The following SGO2 variants were observed in gnomAD, a reference collection of about 807,000 sequenced individuals.
SGO2 encodes shugoshin 2.
In SGO2, 68 loss-of-function variants were observed where a neutral mutation model predicts 99.5. The ratio of observed to expected loss-of-function variants is 0.68; its 90% CI spans 0.56 to 0.84. SGO2 has a LOEUF of 0.84. SGO2 is among the 40% of genes least tolerant of loss of function. SGO2 has a pLI of 0.00. For synonymous variants in SGO2, 457 were observed against 487.1 expected (o/e 0.94, Z 0.81); for missense variants, 1,350 against 1,436.7 (o/e 0.94, Z 0.97).
At chr2:200,529,999 T>C (rs866239583) in intron 1 of SGO2, among the ~76,000 whole-genome samples, 6 of 152,234 alleles carry the variant, frequency 3.9e-5, no homozygotes, top group African/African-American at 7.2e-5. Context: ...GCCTGGCATA[T>C]GCTCCAAACA....
At chr2:200,550,998 A>C (rs1300000079) in intron 5 of SGO2, among the ~76,000 whole-genome samples, 1 of 151,828 alleles carries the variant, frequency 6.6e-6, no homozygotes, top group Non-Finnish European at 1.5e-5. Context: ...TAGCAAAAAA[A>C]AAAAAGAAAA....
chr2:200,552,593 A>G (rs1307912992), intron 5 of SGO2, among the ~76,000 whole-genome samples: 3 of 152,198 alleles, frequency 2.0e-5, no homozygotes, highest in Non-Finnish European at 4.4e-5. Context: ...CTTTTAGACC[A>G]TATAAGGTAA....
chr2:200,567,568 T>C (rs995681371), intron 5 of SGO2, among the ~76,000 whole-genome samples: 1 of 152,188 alleles, frequency 6.6e-6, no homozygotes, highest in Non-Finnish European at 1.5e-5. Flanking sequence ...TTCTAAAATA[T>C]TTCAATCTCT....
chr2:200,577,735 T>G (rs1229213477), intron 8 of SGO2, among the ~76,000 whole-genome samples: 2 of 152,136 alleles, frequency 1.3e-5, no homozygotes, highest in South Asian at 4.1e-4. Flanking sequence ...GTTTATTTTG[T>G]AGAATATCTC....
chr2:200,560,922 T>A (rs2032916236), intron 5 of SGO2, among the ~76,000 whole-genome samples: 1 of 152,178 alleles, frequency 6.6e-6, no homozygotes, highest in African/African-American at 2.4e-5. Flanking sequence ...ATATGGGGCT[T>A]TTCAAGTTTT....
intron 5 of SGO2, among the ~76,000 whole-genome samples, chr2:200,549,336 T>G (rs2032367662): frequency 6.6e-6 from 1 of 152,036 alleles, no homozygotes; most frequent in Non-Finnish European, 1.5e-5. Context: ...TACCAAAAAT[T>G]TAAACAATGA....
At chr2:200,576,000 G>C in intron 8 of SGO2, 1 of 301,254 alleles carries the variant, frequency 3.3e-6, no homozygotes, top group Non-Finnish European at 6.4e-6. Flanking sequence ...TTGTATTTTA[G>C]AGTCTCAAAT....
chr2:200,540,031 ATTACATT>A (rs1258363953), intron 4 of SGO2, among the ~76,000 whole-genome samples: 7 of 148,572 alleles, frequency 4.7e-5, no homozygotes, highest in Non-Finnish European at 1.0e-4. Context: ...TTATTTGGTT[ATTACATT>A]TTTCAGTTCT....
At chr2:200,555,607 A>C (rs2032674583) in intron 5 of SGO2, among the ~76,000 whole-genome samples, 2 of 152,190 alleles carry the variant, frequency 1.3e-5, no homozygotes, top group Non-Finnish European at 2.9e-5. Flanking sequence ...AGTGGGAGGT[A>C]AGGACATTTC....
chr2:200,547,321 CA>C (rs928310331), intron 5 of SGO2, among the ~76,000 whole-genome samples: 5 of 152,224 alleles, frequency 3.3e-5, no homozygotes, highest in Non-Finnish European at 7.3e-5. Flanking sequence ...TAAAGTCTTT[CA>C]CGGATAAACA....
intron 4 of SGO2, among the ~76,000 whole-genome samples, chr2:200,536,515 AAAAT>A (rs2031701001): frequency 6.6e-6 from 1 of 152,084 alleles, no homozygotes; most frequent in Admixed American, 6.6e-5. Context: ...ACTGGGGAAA[AAAAT>A]AGAGGCTGGT....
intron 5 of SGO2, among the ~76,000 whole-genome samples, chr2:200,548,686 A>C (rs1244067102): frequency 6.6e-6 from 1 of 152,156 alleles, no homozygotes; most frequent in East Asian, 1.9e-4. Flanking sequence ...TGAAAAGATA[A>C]ACAACATTGA....
At chr2:200,562,198 T>C (rs2033000820) in intron 5 of SGO2, among the ~76,000 whole-genome samples, 1 of 152,234 alleles carries the variant, frequency 6.6e-6, no homozygotes, top group Non-Finnish European at 1.5e-5. Flanking sequence ...AGGTCTAACA[T>C]GTAAGTCTTT....
Position 200,527,571 on chromosome 2 carries a change from G to A in SGO2, c.-3+1319G>A, listed in dbSNP as rs561415662. On this transcript the variant is annotated intron_variant, in intron 1 of 8. Coordinates refer to ENST00000357799, the MANE Select transcript of SGO2 (RefSeq NM_152524.6). ...AAATTTCTTCTAAAACCATCTTTCC[G>A]TTATTTGCTTGACACCTCCCAACAT... Among the ~76,000 whole-genome samples the A allele has an allele frequency of 3.3e-5, 5 of 152,274 alleles. No individual in the cohort carries two copies. The South Asian group carries it at 1.0e-3, about 32-fold the overall frequency.
At chr2:200,557,913 G>C (rs2032784472) in intron 5 of SGO2, among the ~76,000 whole-genome samples, 1 of 137,090 alleles carries the variant, frequency 7.3e-6, no homozygotes, top group South Asian at 2.4e-4. Flanking sequence ...CACCAAGCTT[G>C]AGTGCAATGG....
intron 4 of SGO2, among the ~76,000 whole-genome samples, chr2:200,538,793 G>A (rs1194928627): frequency 6.6e-6 from 1 of 152,100 alleles, no homozygotes; most frequent in Non-Finnish European, 1.5e-5. Context: ...AGGTGGCTTA[G>A]TATGATTATT....
chr2:200,541,697 G>C (rs563670983), intron 4 of SGO2, among the ~76,000 whole-genome samples: 1 of 152,346 alleles, frequency 6.6e-6, no homozygotes, highest in Admixed American at 6.5e-5. Flanking sequence ...GTTGGGCGGG[G>C]ATGTGCTCTT....
intron 5 of SGO2, among the ~76,000 whole-genome samples, chr2:200,566,959 G>C (rs2033214509): frequency 6.6e-6 from 1 of 152,202 alleles, no homozygotes; most frequent in Admixed American, 6.5e-5. Context: ...TTTTCCAGGT[G>C]CTGTGTGTCA....
chr2:200,549,890 CAAAAT>C (rs1288217213), intron 5 of SGO2, among the ~76,000 whole-genome samples: 2 of 152,044 alleles, frequency 1.3e-5, no homozygotes, highest in African/African-American at 4.8e-5. Context: ...AGCAAGAAAA[CAAAAT>C]AAAGGGCATC....
Sources: gnomAD v4.1 joint callset for allele counts (sites outside exome capture counted in the v4.1 genomes callset) on GRCh38, gnomAD v4.1.1 for gene constraint, MANE v1.5 for transcripts, NCBI Gene and HGNC (gene_info 2026-07-23, HGNC 2026-07-21) for gene names.